The following CFAP58 variants were observed in gnomAD, a reference collection of about 807,000 sequenced individuals.
The protein encoded by CFAP58 is cilia and flagella associated protein 58.
CFAP58 carries 88 observed loss-of-function variants against 119.5 expected under a neutral mutation model. The observed-to-expected ratio is 0.74, with a 90% CI of 0.62 to 0.88. The LOEUF (loss-of-function observed/expected upper bound fraction) is 0.88. Among genes scored for constraint, CFAP58 ranks in the 40% least tolerant of loss-of-function variants. The pLI, the probability that CFAP58 is intolerant of heterozygous loss-of-function variation, is 0.00. For missense variants in CFAP58, 990 were observed against 1,021.2 expected (o/e 0.97, Z 0.42); for synonymous variants, 365 against 366.3 (o/e 1.00, Z 0.04).
chr10:104,341,816 G>C, the CFAP58 span, among the ~76,000 whole-genome samples: 8 of 152,052 alleles, frequency 5.3e-5, no homozygotes. Flanking sequence ...ATTTGGCATC[G>C]ACATATAAAC....
chr10:104,372,081 G>A (rs1440454700), intron 7 of CFAP58, among the ~76,000 whole-genome samples: 3 of 152,254 alleles, frequency 2.0e-5, no homozygotes, highest in East Asian at 1.9e-4. Flanking sequence ...GGCAAAGCAC[G>A]GTGTCTCATG....
At chr10:104,416,835 A>G (rs1472923973) in intron 15 of CFAP58, among the ~76,000 whole-genome samples, 1 of 152,190 alleles carries the variant, frequency 6.6e-6, no homozygotes, top group East Asian at 1.9e-4. Context: ...ATTGAGTCTT[A>G]TCTTAGAACT....
chr10:104,362,475 T>C (rs1160595023), intron 3 of CFAP58, among the ~76,000 whole-genome samples: 2 of 152,160 alleles, frequency 1.3e-5, no homozygotes, highest in African/African-American at 4.8e-5. Flanking sequence ...CTGGCTAATT[T>C]TCTGCCCAGA....
Position 104,368,556 on chromosome 10 carries a change from T to C in CFAP58, c.926T>C (p.Leu309Pro). Residue 309 changes from leucine to proline, a missense_variant, in exon 6 of 18, where the codon CTC becomes CCC. Coordinates refer to ENST00000369704, the MANE Select transcript of CFAP58 (RefSeq NM_001008723.2). ...GAAAACCAACAGAAGGCGTTGGAGC[T>C]CAAAGTAAACACCAAGTTACATGTC... ...SQENQQKALE[L>P]KAKEEEVHQM... 6.2e-7 allele frequency: 1 copy of C among 1,613,820 alleles called. No individual in the cohort carries two copies. The highest frequency in any genetic ancestry group is 8.5e-7 in the Non-Finnish European group (1 of 1,179,826).
At chr10:104,353,710 G>A (rs1349147222), upstream of CFAP58, 2 of 568,338 alleles carry the variant, frequency 3.5e-6, no homozygotes, top group Admixed American at 3.1e-5. Flanking sequence ...CTCCCCTTTC[G>A]AATTCCCGCT....
chr10:104,365,670 A>T, intron 4 of CFAP58, 144 bp from the exon 5 acceptor site: 1 of 598,436 alleles, frequency 1.7e-6, no homozygotes, highest in Non-Finnish European at 2.8e-6. Flanking sequence ...CTGGGGCTCA[A>T]GGATGTCTGC....
chr10:104,446,473 A>T (rs1262848968), intron 15 of CFAP58, among the ~76,000 whole-genome samples: 1 of 152,262 alleles, frequency 6.6e-6, no homozygotes, highest in East Asian at 1.9e-4. Context: ...AATGGTAACA[A>T]TGACTAGTTA....
chr10:104,430,066 T>C (rs959441308), intron 15 of CFAP58, among the ~76,000 whole-genome samples: 2 of 152,086 alleles, frequency 1.3e-5, no homozygotes, highest in African/African-American at 4.8e-5. Context: ...TTCTAGAGCT[T>C]TTGAAGTCAA....
At chr10:104,360,551 G>A (rs904321465) in intron 2 of CFAP58, among the ~76,000 whole-genome samples, 8 of 152,004 alleles carry the variant, frequency 5.3e-5, no homozygotes, top group African/African-American at 1.9e-4. Flanking sequence ...GTGTCATGGG[G>A]GTTTGTTGTA....
At position 104,377,109 on chromosome 10, in the gene CFAP58, C is replaced by G. The variant is rs1451185595; in HGVS notation, c.1173+216C>G. 3.3e-5 allele frequency among the ~76,000 whole-genome samples: 5 copies of G among 152,196 alleles called. No individual in the cohort carries two copies. The East Asian group carries it at 9.6e-4, about 29-fold the overall frequency. On this transcript the variant is annotated intron_variant, in intron 8 of 17. Coordinates refer to ENST00000369704, the MANE Select transcript of CFAP58 (RefSeq NM_001008723.2). The stretch of plus-strand genomic sequence containing the variant: ...GTTATCACCTGAGAACACAAAAAGA[C>G]TTTGGAGAATTAGCATATAAGCCAG...
At chr10:104,396,476 G>A (rs1450873270) in intron 11 of CFAP58, among the ~76,000 whole-genome samples, 2 of 149,854 alleles carry the variant, frequency 1.3e-5, no homozygotes, top group South Asian at 4.2e-4. Flanking sequence ...GAGAGAGAGA[G>A]CCTAATTATT....
intron 9 of CFAP58, among the ~76,000 whole-genome samples, chr10:104,388,722 A>G (rs1459083675): frequency 6.6e-6 from 1 of 152,070 alleles, no homozygotes; most frequent in African/African-American, 2.4e-5. Context: ...TTCTAATCCC[A>G]CCTTGGTCTA....
the CFAP58 span, among the ~76,000 whole-genome samples, chr10:104,348,199 C>T: frequency 1.3e-5 from 2 of 152,192 alleles, no homozygotes; most frequent in Non-Finnish European, 2.9e-5. Context: ...ATGATACAGA[C>T]ACCCCCAAAA....
Position 104,400,645 on chromosome 10 carries a change from TTCCCTGGTGACTATGCCCCTCCC to T in CFAP58, c.1816-33_1816-11del. The T allele has an allele frequency of 6.4e-7, 1 of 1,563,954 alleles. No homozygotes were observed. Among genetic ancestry groups the T allele is most frequent in the Non-Finnish European group, 8.8e-7 (1 of 1,135,802 alleles). On this transcript the variant is annotated splice_polypyrimidine_tract_variant and intron_variant, in intron 12 of 17. Coordinates refer to ENST00000369704, the MANE Select transcript of CFAP58 (RefSeq NM_001008723.2). Reference sequence around the variant, plus strand: ...CACAGTGAAAAGCTAAGGCTCCTCCTTCCCTGGTGACTATGCCCCTCCCTACCTTCCTAGGTCATCAGTGAGAG... The same window carrying T: ...CACAGTGAAAAGCTAAGGCTCCTCCTTACCTTCCTAGGTCATCAGTGAGAG...
chr10:104,392,204 C>A (rs201667625), intron 9 of CFAP58, 29 bp from the exon 10 acceptor site: 7 of 1,532,688 alleles, frequency 4.6e-6, no homozygotes, highest in South Asian at 1.3e-5. Flanking sequence ...GGCTATTTAA[C>A]CACATTCATA....
chr10:104,445,882 T>G (rs956187544), intron 15 of CFAP58, among the ~76,000 whole-genome samples: 1 of 152,242 alleles, frequency 6.6e-6, no homozygotes, highest in African/African-American at 2.4e-5. Context: ...ATTACACCTG[T>G]GAAACATTTC....
intron 15 of CFAP58, among the ~76,000 whole-genome samples, chr10:104,442,448 C>T (rs572750711): frequency 6.6e-6 from 1 of 152,054 alleles, no homozygotes; most frequent in South Asian, 2.1e-4. Context: ...ATTAGCTGGG[C>T]GTGGTGGCAT....
intron 15 of CFAP58, among the ~76,000 whole-genome samples, chr10:104,432,535 G>A (rs1470594831): frequency 2.7e-5 from 4 of 150,750 alleles, no homozygotes; most frequent in Admixed American, 6.6e-5. Context: ...ACGGAGTCTC[G>A]CTCTGTCACC....
chr10:104,442,591 A>C (rs1027513659), intron 15 of CFAP58, among the ~76,000 whole-genome samples: 6 of 151,796 alleles, frequency 4.0e-5, no homozygotes, highest in African/African-American at 1.5e-4. Flanking sequence ...CCATTTCAAA[A>C]AAAAAAAAAA....
Sources: gnomAD v4.1 joint callset for allele counts (sites outside exome capture counted in the v4.1 genomes callset) on GRCh38, gnomAD v4.1.1 for gene constraint, MANE v1.5 for transcripts, NCBI Gene and HGNC (gene_info 2026-07-23, HGNC 2026-07-21) for gene names.